The following ASIC5 variants were observed in gnomAD, a reference collection of about 807,000 sequenced individuals.
The protein encoded by ASIC5 is acid sensing ion channel subunit family member 5.
Under a neutral mutation model 51.2 loss-of-function variants are expected in ASIC5, and 52 were observed. That is an observed-to-expected ratio of 1.02 (90% CI 0.81 to 1.28). ASIC5 has a LOEUF of 1.28. Ranked by LOEUF, ASIC5 falls within the 50% of genes most tolerant of loss-of-function variation. The pLI, the probability that ASIC5 is intolerant of heterozygous loss-of-function variation, is 0.00. For synonymous variants in ASIC5, 231 were observed against 200.7 expected (o/e 1.15, Z -1.28); for missense variants, 635 against 595.0 (o/e 1.07, Z -0.70).
Position 155,861,001 on chromosome 4 carries a change from T to C in ASIC5, c.347+2447A>G, listed in dbSNP as rs139952375. Among the ~76,000 whole-genome samples the C allele has an allele frequency of 7.9e-5, 12 of 152,096 alleles. No individual in the cohort carries two copies. In the East Asian group the frequency reaches 2.3e-3, roughly 29 times the overall value. The stretch of plus-strand genomic sequence containing the variant: ...ATTTTCTATTTTTTTTGTGATTTCT[T>C]CTTTGACTTCTTTGTTATTTAGGTG... On this transcript the variant is annotated intron_variant, in intron 2 of 9. Transcript: ENST00000537611.
chr4:155,863,617 T>C lies in ASIC5; in HGVS notation c.178A>G (p.Ile60Val). ...ACCACCAACCAGAGCACCCTGCGAA[T>C]TTTGCTCCGGTTCTGAACAATATTG... is the stretch of plus-strand genomic sequence containing the variant. ...IHNIVQNRSK[I>V]RRVLWLVVVL... Residue 60 changes from isoleucine (I) to valine (V), a missense_variant, in exon 2 of 10, where the codon ATT becomes GTT. Transcript: ENST00000537611. 1 of 1,613,814 alleles carries C rather than the reference T, an allele frequency of 6.2e-7. No homozygotes were observed. Among genetic ancestry groups the C allele is most frequent in the South Asian group, 1.1e-5 (1 of 91,080 alleles).
At chr4:155,859,200 C>A (rs1741629274) in intron 2 of ASIC5, among the ~76,000 whole-genome samples, 1 of 151,998 alleles carries the variant, frequency 6.6e-6, no homozygotes, top group Non-Finnish European at 1.5e-5. Flanking sequence ...ATTTTACTTT[C>A]ACAACTGGAA....
chr4:155,838,801 T>C lies in ASIC5; in HGVS notation c.1066+12A>G, dbSNP rs201177855. 2 of 1,535,632 alleles carry C rather than the reference T, an allele frequency of 1.3e-6. No individual in the cohort carries two copies. Among genetic ancestry groups the C allele is most frequent in the Non-Finnish European group, 1.8e-6 (2 of 1,113,692 alleles). On this transcript the variant is annotated intron_variant, in intron 7 of 9. Coordinates refer to ENST00000537611, the MANE Select transcript of ASIC5 (RefSeq NM_017419.3). ...TATAAATCCTGAAAATAAAAGTAAA[T>C]TAAGCACTTACCAAGTACAGGAGAA...
intron 6 of ASIC5, 135 bp downstream of exon 6, chr4:155,842,072 A>G (rs1741131056): frequency 3.7e-6 from 3 of 810,474 alleles, no homozygotes; most frequent in Non-Finnish European, 5.6e-6. Flanking sequence ...TGGGTCAGCA[A>G]CATCTGTAAT....
chr4:155,863,882 T>C (rs2110779468), intron 1 of ASIC5, 128 bp from the exon 2 acceptor site: 1 of 752,882 alleles, frequency 1.3e-6, no homozygotes, highest in Non-Finnish European at 2.1e-6. Flanking sequence ...TCATAGAAAC[T>C]AAAAATTCAT....
chr4:155,830,197 T>C, intron 9 of ASIC5, 151 bp from the exon 10 acceptor site: 1 of 543,966 alleles, frequency 1.8e-6, no homozygotes, highest in Non-Finnish European at 3.2e-6. Context: ...AATAAGGTAA[T>C]AGCAATTGGT....
In ASIC5 at chr4:155,857,164, C is replaced by T. The variant is rs181052158; in HGVS notation, c.348-2850G>A. Among the ~76,000 whole-genome samples the T allele has an allele frequency of 7.2e-5, 11 of 151,968 alleles. No individual in the cohort carries two copies. In the East Asian group the frequency reaches 2.1e-3, roughly 29 times the overall value. ...TTTGAGACAGAGTCTCAATTTGTTG[C>T]CCAGGTTGGAGTGCAGAGGCACAAA... On this transcript the variant is annotated intron_variant, in intron 2 of 9. Transcript: ENST00000537611.
intron 5 of ASIC5, 104 bp from the exon 6 acceptor site, chr4:155,842,458 T>C: frequency 8.4e-7 from 1 of 1,194,834 alleles, no homozygotes. Flanking sequence ...TCAGAGCTCT[T>C]TGATTTTCAA....
chr4:155,830,103 A>C, intron 9 of ASIC5, 57 bp from the exon 10 acceptor site: 1 of 1,276,116 alleles, frequency 7.8e-7, no homozygotes, highest in Non-Finnish European at 1.1e-6. Flanking sequence ...AACAAATATT[A>C]TTAGAAGTTA....
At chr4:155,859,596 C>T (rs1412189736) in intron 2 of ASIC5, among the ~76,000 whole-genome samples, 2 of 151,996 alleles carry the variant, frequency 1.3e-5, no homozygotes, top group African/African-American at 4.8e-5. Context: ...CAGTTTCTAA[C>T]TTGGTAAACT....
At chr4:155,850,456 A>G (rs549787066) in intron 4 of ASIC5, among the ~76,000 whole-genome samples, 231 of 152,134 alleles carry the variant, frequency 1.5e-3, no homozygotes, top group African/African-American at 5.2e-3. Context: ...GGACTTCCTG[A>G]GGCTGTGTCA....
rs181657715 is a variant in ASIC5 at position 155,863,509 on chromosome 4, T to C, written c.286A>G (p.Ile96Val). The C allele has an allele frequency of 4.3e-6, 7 of 1,613,726 alleles. No individual in the cohort carries two copies. In the Admixed American group the frequency reaches 5.0e-5, roughly 12 times the overall value. Residue 96 changes from isoleucine (I) to valine (V), a missense_variant, in exon 2 of 10, where the codon ATT (isoleucine) becomes GTT (valine). Physicochemically the swap from Ile to Val is conservative, Grantham distance 29. Coordinates refer to ENST00000537611, the MANE Select transcript of ASIC5 (RefSeq NM_017419.3). ...NYFTWPTTTSIEVQYVEKMEF... is the reference protein window; with the variant it reads ...NYFTWPTTTSVEVQYVEKMEF... ...ATCTTTTCCACATATTGAACCTCAATGGACGTTGTGGTTGGCCATGTGAAG... is the reference window on the plus strand; with the variant it reads ...ATCTTTTCCACATATTGAACCTCAACGGACGTTGTGGTTGGCCATGTGAAG...
intron 2 of ASIC5, among the ~76,000 whole-genome samples, chr4:155,862,686 A>G (rs184882053): frequency 2.6e-4 from 40 of 152,260 alleles, no homozygotes; most frequent in Admixed American, 3.3e-4. Flanking sequence ...GCATTGAATC[A>G]AGTGTAACCC....
intron 2 of ASIC5, 23 bp from the exon 3 acceptor site, chr4:155,854,337 T>C (rs1276654062): frequency 7.0e-7 from 1 of 1,430,288 alleles, no homozygotes; most frequent in Non-Finnish European, 9.8e-7. Flanking sequence ...ATGAAGGCAA[T>C]AGTTAGAATA....
chr4:155,841,899 A>C (rs898158085), intron 6 of ASIC5, among the ~76,000 whole-genome samples: 1 of 152,140 alleles, frequency 6.6e-6, no homozygotes, highest in Non-Finnish European at 1.5e-5. Flanking sequence ...AGAATGGAAA[A>C]CAATTTAGTG....
chr4:155,836,056 C>T (rs1375890309), intron 8 of ASIC5, among the ~76,000 whole-genome samples: 1 of 152,110 alleles, frequency 6.6e-6, no homozygotes, highest in African/African-American at 2.4e-5. Context: ...TGTTGCTTCC[C>T]TGTTAAAAAA....
At chr4:155,833,023 C>T (rs1446716467) in intron 8 of ASIC5, among the ~76,000 whole-genome samples, 1 of 152,188 alleles carries the variant, frequency 6.6e-6, no homozygotes, top group East Asian at 1.9e-4. Context: ...TTAATGCCAT[C>T]TGACATGACT....
intron 3 of ASIC5, 124 bp from the exon 4 acceptor site, chr4:155,852,440 A>T: frequency 1.3e-6 from 1 of 789,590 alleles, no homozygotes; most frequent in Non-Finnish European, 1.9e-6. Flanking sequence ...ATCAGAGAGA[A>T]TAGTCTGATT....
intron 4 of ASIC5, among the ~76,000 whole-genome samples, chr4:155,846,739 A>T (rs2111245891): frequency 6.6e-6 from 1 of 152,256 alleles, no homozygotes; most frequent in African/African-American, 2.4e-5. Flanking sequence ...TAAGGGATAA[A>T]TACTTGTAGA....
Sources: allele counts gnomAD v4.1 joint callset (sites outside exome capture counted in the v4.1 genomes callset), GRCh38; gene constraint gnomAD v4.1.1; transcripts MANE v1.5; gene names NCBI Gene and HGNC (gene_info 2026-07-23, HGNC 2026-07-21).